STAG1: variants seen among roughly 807,000 people sequenced by gnomAD.
STAG1 encodes the protein cohesin subunit SA-1.
In STAG1, 26 loss-of-function variants were observed where a neutral mutation model predicts 170.9. The observed-to-expected ratio is 0.15, with a 90% CI of 0.11 to 0.21. The LOEUF (loss-of-function observed/expected upper bound fraction) is 0.21, where lower values mean the gene tolerates loss of function less well. Ranked by LOEUF, STAG1 falls within the 10% of genes least tolerant of loss-of-function variation. The pLI is 1.00. For missense variants in STAG1, 964 were observed against 1,509.5 expected, an observed-to-expected ratio of 0.64 and a Z score of 5.99; for synonymous variants, 514 against 497.7, an observed-to-expected ratio of 1.03 and a Z score of -0.44.
chr3:136,627,361 A>C (rs1360897031), intron 2 of STAG1, among the ~76,000 whole-genome samples: 1 of 152,218 alleles, frequency 6.6e-6, no homozygotes, highest in African/African-American at 2.4e-5. Context: ...CACTGTTAAT[A>C]GTTTGACGCT....
chr3:136,396,317 C>T (rs963889240), intron 22 of STAG1, among the ~76,000 whole-genome samples: 5 of 150,932 alleles, frequency 3.3e-5, no homozygotes, highest in African/African-American at 9.7e-5. Flanking sequence ...TCCTGGGCTC[C>T]GGCCATTCTC....
chr3:136,549,254 T>C (rs144041477), intron 5 of STAG1, among the ~76,000 whole-genome samples: 63 of 152,358 alleles, frequency 4.1e-4, no homozygotes, highest in African/African-American at 1.4e-3. Context: ...TGTTGCATCC[T>C]GTTACTTTGC....
At chr3:136,420,154 T>C (rs1475884080) in intron 20 of STAG1, among the ~76,000 whole-genome samples, 1 of 135,864 alleles carries the variant, frequency 7.4e-6, no homozygotes. Flanking sequence ...GGCTAAGGCA[T>C]AAGAATCACT....
At chr3:136,441,605 A>G (rs1576468800) in intron 15 of STAG1, among the ~76,000 whole-genome samples, 1 of 152,272 alleles carries the variant, frequency 6.6e-6, no homozygotes, top group East Asian at 1.9e-4. Context: ...TAGATAATAC[A>G]AATTAGTATC....
chr3:136,664,083 G>A (rs1941672827), intron 1 of STAG1, among the ~76,000 whole-genome samples: 1 of 152,186 alleles, frequency 6.6e-6, no homozygotes, highest in East Asian at 1.9e-4. Flanking sequence ...CAGCAAGGCT[G>A]TCAGCTTCAG....
chr3:136,398,509 G>A lies in STAG1; in HGVS notation c.2277+240C>T, dbSNP rs187585677. Among the ~76,000 whole-genome samples, 63 of 152,132 alleles carry A rather than the reference G, an allele frequency of 4.1e-4. No individual in the cohort carries two copies. In the East Asian group the frequency reaches 9.9e-3, roughly 24 times the overall value. On this transcript the variant is annotated intron_variant, in intron 22 of 33. Transcript: ENST00000383202. ...ATAAGAAGTTTTAATCCGTGTGTGT[G>A]TGTACATATATATACACACACATAA...
chr3:136,722,142 G>A (rs1933314809), intron 1 of STAG1, among the ~76,000 whole-genome samples: 1 of 151,336 alleles, frequency 6.6e-6, no homozygotes, highest in South Asian at 2.1e-4. Flanking sequence ...AGGATCACCT[G>A]AGCCCAGGAA....
intron 1 of STAG1, among the ~76,000 whole-genome samples, chr3:136,636,759 T>C (rs571696887): frequency 6.6e-6 from 1 of 152,214 alleles, no homozygotes; most frequent in East Asian, 1.9e-4. Flanking sequence ...GCTTTACATA[T>C]ATTTAAGAAA....
chr3:136,602,747 A>G (rs1181015509), intron 4 of STAG1, among the ~76,000 whole-genome samples: 1 of 151,986 alleles, frequency 6.6e-6, no homozygotes, highest in Non-Finnish European at 1.5e-5. Flanking sequence ...GCTATTCAGG[A>G]GGCTGAGGCA....
chr3:136,405,828 A>C lies in STAG1; in HGVS notation c.2197-6999T>G, dbSNP rs1053758217. ...AAAAAAAAAAAAAAAAAAAGGAAAA[A>C]TGTTAAAAGCATGATGAGATACCAC... On this transcript the variant is annotated intron_variant, in intron 21 of 33. Coordinates refer to ENST00000383202, the MANE Select transcript of STAG1 (RefSeq NM_005862.3). Among the ~76,000 whole-genome samples, 15 of 146,756 alleles carry C rather than the reference A, an allele frequency of 1.0e-4. No homozygotes were observed. In the Admixed American group the frequency reaches 1.0e-3, roughly 10 times the overall value.
chr3:136,535,639 G>A (rs1163354385), intron 6 of STAG1, among the ~76,000 whole-genome samples: 1 of 152,170 alleles, frequency 6.6e-6, no homozygotes, highest in Non-Finnish European at 1.5e-5. Flanking sequence ...CTCCAGCCTA[G>A]GCAACAAAGT....
chr3:136,415,303 TG>T (rs1451871514), intron 21 of STAG1, among the ~76,000 whole-genome samples: 1 of 120,704 alleles, frequency 8.3e-6, no homozygotes, highest in African/African-American at 3.1e-5. Flanking sequence ...CTAGTTGAAT[TG>T]GTTATTATAA....
At chr3:136,538,426 TTC>T (rs1466774686) in intron 6 of STAG1, among the ~76,000 whole-genome samples, 3 of 150,798 alleles carry the variant, frequency 2.0e-5, no homozygotes, top group African/African-American at 2.4e-5. Context: ...TTTTTTTTTT[TTC>T]TTTTTTGAGA....
chr3:136,400,546 T>G (rs557464722), intron 21 of STAG1, among the ~76,000 whole-genome samples: 1 of 151,894 alleles, frequency 6.6e-6, no homozygotes, highest in African/African-American at 2.4e-5. Flanking sequence ...TTTCTTTTTT[T>G]TTTTTTTGAG....
intron 9 of STAG1, among the ~76,000 whole-genome samples, chr3:136,498,435 A>C (rs560293050): frequency 6.6e-6 from 1 of 151,368 alleles, no homozygotes; most frequent in East Asian, 2.0e-4. Context: ...ATTTCTATAA[A>C]ATTCTAGAAA....
intron 9 of STAG1, among the ~76,000 whole-genome samples, chr3:136,484,397 AG>A: frequency 6.7e-6 from 1 of 148,688 alleles, no homozygotes; most frequent in East Asian, 2.0e-4. Flanking sequence ...CTCGGGGGTC[AG>A]GGGTCAAGGA....
intron 1 of STAG1, among the ~76,000 whole-genome samples, chr3:136,747,304 AGCT>A (rs1466869643): frequency 2.0e-5 from 3 of 151,276 alleles, no homozygotes; most frequent in East Asian, 3.9e-4. Context: ...TCTCCTCAAA[AGCT>A]GCTAGACCAA....
intron 1 of STAG1, among the ~76,000 whole-genome samples, chr3:136,730,509 G>T (rs187921943): frequency 6.6e-6 from 1 of 152,116 alleles, no homozygotes; most frequent in Non-Finnish European, 1.5e-5. Context: ...ACATAAAACT[G>T]CTGTGTTGTT....
chr3:136,500,360 ATTGT>A, intron 8 of STAG1, 64 bp from the exon 9 acceptor site: 1 of 1,075,996 alleles, frequency 9.3e-7, no homozygotes, highest in Non-Finnish European at 1.4e-6. Context: ...AACAGCTCCA[ATTGT>A]TTTTAATTCC....
Sources: gnomAD v4.1 joint callset for allele counts (sites outside exome capture counted in the v4.1 genomes callset) on GRCh38, gnomAD v4.1.1 for gene constraint, MANE v1.5 for transcripts, NCBI Gene and HGNC (gene_info 2026-07-23, HGNC 2026-07-21) for gene names.